Variants in EPB41L4B observed in about 807,000 individuals in gnomAD.
The protein encoded by EPB41L4B is band 4.1-like protein 4B.
A neutral mutation model predicts 112.5 loss-of-function variants in EPB41L4B; 30 were observed. That is an observed-to-expected ratio of 0.27 (90% CI 0.20 to 0.36). EPB41L4B has a LOEUF of 0.36. Ranked by LOEUF, EPB41L4B falls within the 10% of genes least tolerant of loss-of-function variation. The pLI is 1.00. For synonymous variants in EPB41L4B, 408 were observed against 439.7 expected (o/e 0.93, Z 0.90); for missense variants, 1,024 against 1,133.3 (o/e 0.90, Z 1.38).
intron 22 of EPB41L4B, among the ~76,000 whole-genome samples, chr9:109,190,445 C>T (rs934372524): frequency 3.9e-5 from 6 of 152,190 alleles, no homozygotes; most frequent in African/African-American, 1.4e-4. Flanking sequence ...GGGCTGGTGG[C>T]AAAATAACCA....
chr9:109,256,680 C>T (rs751390568), intron 7 of EPB41L4B, among the ~76,000 whole-genome samples, 200 bp from the exon 8 acceptor site: 8 of 152,232 alleles, frequency 5.3e-5, no homozygotes, highest in Admixed American at 3.9e-4. Context: ...CAGTGACTCA[C>T]GCCTGTTATC....
chr9:109,256,550 C>T (rs1834991228), intron 7 of EPB41L4B, 70 bp from the exon 8 acceptor site: 2 of 1,336,242 alleles, frequency 1.5e-6, no homozygotes, highest in East Asian at 2.3e-5. Flanking sequence ...AGGGCACGGC[C>T]TTACTATGGA....
intron 15 of EPB41L4B, among the ~76,000 whole-genome samples, chr9:109,218,226 A>C (rs1428502719): frequency 6.8e-6 from 1 of 147,048 alleles, no homozygotes; most frequent in Non-Finnish European, 1.5e-5. Flanking sequence ...CCCAGGCTCA[A>C]GCAATTCTCA....
At chr9:109,223,783 C>T (rs999093274) in intron 15 of EPB41L4B, among the ~76,000 whole-genome samples, 2 of 152,268 alleles carry the variant, frequency 1.3e-5, no homozygotes, top group African/African-American at 4.8e-5. Flanking sequence ...CTTTGGGAGG[C>T]CGAGGCAGGT....
intron 15 of EPB41L4B, 32 bp downstream of exon 15, chr9:109,243,586 G>T: frequency 3.1e-6 from 5 of 1,608,702 alleles, no homozygotes; most frequent in Non-Finnish European, 4.3e-6. Context: ...GAAAGCTTTC[G>T]AAGGTGCAGC....
At chr9:109,310,896 A>G (rs898568275) in intron 1 of EPB41L4B, among the ~76,000 whole-genome samples, 6 of 152,358 alleles carry the variant, frequency 3.9e-5, no homozygotes, top group Admixed American at 3.9e-4. Flanking sequence ...TACAACATGG[A>G]TGAACCTTGA....
chr9:109,292,267 CCT>C (rs1836563501), intron 1 of EPB41L4B, among the ~76,000 whole-genome samples: 1 of 152,170 alleles, frequency 6.6e-6, no homozygotes, highest in Non-Finnish European at 1.5e-5. Flanking sequence ...TTCTGGCTGC[CCT>C]GAGACTTGGT....
At chr9:109,219,794 C>T (rs1192727537) in intron 15 of EPB41L4B, among the ~76,000 whole-genome samples, 1 of 152,054 alleles carries the variant, frequency 6.6e-6, no homozygotes, top group African/African-American at 2.4e-5. Flanking sequence ...TATTTAAAAC[C>T]TTTTCGTGGG....
intron 1 of EPB41L4B, among the ~76,000 whole-genome samples, chr9:109,317,763 G>A (rs992924549): frequency 2.6e-5 from 4 of 152,146 alleles, no homozygotes; most frequent in South Asian, 2.1e-4. Flanking sequence ...CCTATCTTGC[G>A]ACAAGCAGCA....
intron 6 of EPB41L4B, among the ~76,000 whole-genome samples, chr9:109,258,506 G>C (rs1835066803): frequency 6.6e-6 from 1 of 152,168 alleles, no homozygotes; most frequent in Admixed American, 6.5e-5. Flanking sequence ...CTCCCTGTTG[G>C]GTGATACAGC....
chr9:109,226,581 C>T lies in EPB41L4B; in HGVS notation c.1410-9436G>A, dbSNP rs148815201. The stretch of plus-strand genomic sequence containing the variant: ...TTTCGGATTGCCCATGACTTATATA[C>T]AATCAAAACCTCTCTTTGGATTTTT... On this transcript the variant is annotated intron_variant, in intron 15 of 25. Coordinates refer to ENST00000374566, the MANE Select transcript of EPB41L4B (RefSeq NM_019114.5). 3.7e-3 allele frequency among the ~76,000 whole-genome samples: 537 copies of T among 144,002 alleles called. 5 individuals carry two copies. The highest frequency in any genetic ancestry group is 0.025 in the East Asian group (125 of 4,958). 94.5% of individuals were successfully genotyped at this position (144,002 alleles called of 152,430 possible).
chr9:109,237,145 A>G (rs1460389985), intron 15 of EPB41L4B, among the ~76,000 whole-genome samples: 1 of 152,230 alleles, frequency 6.6e-6, no homozygotes, highest in Non-Finnish European at 1.5e-5. Flanking sequence ...GGATGGTGCA[A>G]TATTAACAGG....
chr9:109,179,470 T>G (rs73523151), intron 24 of EPB41L4B, among the ~76,000 whole-genome samples: 2,403 of 152,264 alleles, frequency 0.016, 73 homozygotes, highest in African/African-American at 0.055. Context: ...GAGCTTGGCT[T>G]CTGTTACCAT....
At chr9:109,240,160 A>C (rs914902210) in intron 15 of EPB41L4B, 1 of 985,466 alleles carries the variant, frequency 1.0e-6, no homozygotes, top group Non-Finnish European at 1.2e-6. Context: ...GTCAAAAAAA[A>C]AGCAAGAATA....
In EPB41L4B at chr9:109,208,008, T is replaced by C; in HGVS notation, c.1794A>G (p.Pro598=). 6.2e-7 allele frequency: 1 copy of C among 1,614,086 alleles called. No homozygotes were observed. Among genetic ancestry groups the C allele is most frequent in the Non-Finnish European group, 8.5e-7 (1 of 1,180,008 alleles). Residue 598 remains proline (P), a synonymous_variant, in exon 18 of 26, where the codon CCA becomes CCG. Coordinates refer to ENST00000374566, the MANE Select transcript of EPB41L4B (RefSeq NM_019114.5). ...KKVSEKTLQT[P]LLPSPVADHV... is the part of the protein sequence containing the mutation. ...GATCCGCAACAGGGGAAGGCAAAAG[T>C]GGAGTCTGAAGAGTTTTCTCCGAGA...
At chr9:109,226,923 T>G (rs535656537) in intron 15 of EPB41L4B, among the ~76,000 whole-genome samples, 18 of 151,648 alleles carry the variant, frequency 1.2e-4, no homozygotes, top group African/African-American at 3.9e-4. Context: ...CTTGCAGCCT[T>G]GAATTCCTGG....
chr9:109,258,119 A>G, intron 7 of EPB41L4B, 58 bp downstream of exon 7: 1 of 1,562,296 alleles, frequency 6.4e-7, no homozygotes, highest in Non-Finnish European at 8.7e-7. Context: ...GAGTGTGATC[A>G]ACACTTATTT....
rs1837851122 is a variant in EPB41L4B, at chr9:109,320,866, G to A, written c.-420C>T. ...GCCGGCCGAGGGCCAGCCGGAGCAG[G>A]GCGCCTGCGTGGTCCTGGCGCGCTC... On this transcript the variant is annotated 5_prime_UTR_variant, in exon 1 of 26. Transcript: ENST00000374566. The A allele has an allele frequency of 6.8e-6, 1 of 147,392 alleles. No homozygotes were observed. The highest frequency in any genetic ancestry group is 6.8e-5 in the Admixed American group (1 of 14,772). The allele number at this position is 147,392 out of a possible 1,614,324, so 9.1% of individuals were successfully genotyped here. A position where few individuals can be genotyped will look rare whatever the true frequency, so the allele number is the denominator to read the frequency against.
intron 15 of EPB41L4B, chr9:109,239,949 G>A (rs1834296554): frequency 3.0e-6 from 3 of 985,354 alleles, no homozygotes; most frequent in Non-Finnish European, 3.6e-6. Flanking sequence ...AGTTGCCCCA[G>A]ATGAAGAAAG....
Sources: allele counts gnomAD v4.1 joint callset (sites outside exome capture counted in the v4.1 genomes callset), GRCh38; gene constraint gnomAD v4.1.1; transcripts MANE v1.5; gene names NCBI Gene and HGNC (gene_info 2026-07-23, HGNC 2026-07-21).